TOX3: variants seen among roughly 807,000 people sequenced by gnomAD.
The protein encoded by TOX3 is CAG trinucleotide repeat-containing gene F9 protein.
TOX3 carries 22 observed loss-of-function variants against 64.3 expected under a neutral mutation model. That is an observed-to-expected ratio of 0.34 (90% CI 0.24 to 0.49). The LOEUF (loss-of-function observed/expected upper bound fraction) is 0.49, where lower values mean the gene tolerates loss of function less well. Ranked by LOEUF, TOX3 falls within the 20% of genes least tolerant of loss-of-function variation. The pLI is 0.99. For synonymous variants in TOX3, 291 were observed against 273.6 expected (o/e 1.06, Z -0.63); for missense variants, 661 against 714.4 (o/e 0.93, Z 0.85).
chr16:52,473,041 A>G (rs1351500012), intron 1 of TOX3, among the ~76,000 whole-genome samples: 1 of 152,198 alleles, frequency 6.6e-6, no homozygotes, highest in Non-Finnish European at 1.5e-5. Flanking sequence ...AAGGATGTCA[A>G]TTAAAAAGGA....
chr16:52,510,019 G>A (rs1024030015), intron 1 of TOX3, among the ~76,000 whole-genome samples: 1 of 152,024 alleles, frequency 6.6e-6, no homozygotes. Flanking sequence ...ATAATGAGGA[G>A]GGGGTTTCTA....
intron 1 of TOX3, among the ~76,000 whole-genome samples, chr16:52,533,601 G>T (rs892599004): frequency 6.6e-6 from 1 of 152,060 alleles, no homozygotes; most frequent in Non-Finnish European, 1.5e-5. Flanking sequence ...TTATTTTTAG[G>T]ATTTTCTTTT....
At chr16:52,468,476 A>C (rs771821133) in intron 2 of TOX3, 33 bp downstream of exon 2, 1 of 1,595,098 alleles carries the variant, frequency 6.3e-7, no homozygotes, top group South Asian at 1.1e-5. Flanking sequence ...TAACACAAAA[A>C]ACAGGAACAA....
intron 1 of TOX3, among the ~76,000 whole-genome samples, chr16:52,510,670 C>A (rs575821199): frequency 1.4e-5 from 2 of 145,564 alleles, no homozygotes; most frequent in Admixed American, 7.1e-5. Context: ...GCAGGAGAAC[C>A]GCTTGAACCT....
chr16:52,515,307 C>T (rs747556699), intron 1 of TOX3, among the ~76,000 whole-genome samples: 1 of 152,080 alleles, frequency 6.6e-6, no homozygotes, highest in Non-Finnish European at 1.5e-5. Flanking sequence ...GTTTCCTAAC[C>T]CTAGCTCATG....
At chr16:52,532,855 A>C (rs1261603749) in intron 1 of TOX3, among the ~76,000 whole-genome samples, 2 of 152,214 alleles carry the variant, frequency 1.3e-5, no homozygotes, top group African/African-American at 4.8e-5. Context: ...GGCAGGGGAC[A>C]CAGAGGATAA....
intron 1 of TOX3, among the ~76,000 whole-genome samples, chr16:52,536,680 T>C (rs1277998316): frequency 8.7e-6 from 1 of 115,062 alleles, no homozygotes; most frequent in East Asian, 2.7e-4. Context: ...TATATATACA[T>C]GTGTATATAT....
At chr16:52,485,244 G>A (rs866777245) in intron 1 of TOX3, among the ~76,000 whole-genome samples, 7 of 95,326 alleles carry the variant, frequency 7.3e-5, no homozygotes, top group African/African-American at 3.3e-4. Context: ...GTATGTGTGT[G>A]TGTATATATA....
At chr16:52,441,502 C>T (rs1959987571) in intron 6 of TOX3, among the ~76,000 whole-genome samples, 1 of 152,204 alleles carries the variant, frequency 6.6e-6, no homozygotes, top group Admixed American at 6.5e-5. Context: ...AAACACTTCA[C>T]TGCCTCTACA....
chr16:52,477,756 G>A (rs1243509018), intron 1 of TOX3, among the ~76,000 whole-genome samples: 1 of 152,156 alleles, frequency 6.6e-6, no homozygotes, highest in Non-Finnish European at 1.5e-5. Flanking sequence ...ATAAAACAGG[G>A]ATAAGAACAG....
intron 1 of TOX3, among the ~76,000 whole-genome samples, chr16:52,544,643 A>C (rs1403132517): frequency 6.6e-6 from 1 of 152,110 alleles, no homozygotes; most frequent in African/African-American, 2.4e-5. Flanking sequence ...TTGTATCCAC[A>C]CTCCTGAAGC....
intron 1 of TOX3, among the ~76,000 whole-genome samples, chr16:52,532,399 A>G (rs1962871011): frequency 6.6e-6 from 1 of 152,192 alleles, no homozygotes; most frequent in Non-Finnish European, 1.5e-5. Context: ...TACTGCCATC[A>G]TGAACAAGCC....
At chr16:52,463,147 TA>T (rs1219897578) in intron 3 of TOX3, among the ~76,000 whole-genome samples, 3 of 151,964 alleles carry the variant, frequency 2.0e-5, no homozygotes, top group Admixed American at 6.6e-5. Flanking sequence ...CAGGGTTTTT[TA>T]AAAAAAAGCT....
intron 1 of TOX3, among the ~76,000 whole-genome samples, chr16:52,489,451 G>A (rs770879151): frequency 8.5e-5 from 13 of 152,058 alleles, no homozygotes; most frequent in Admixed American, 2.6e-4. Flanking sequence ...CATGTCCCCC[G>A]TAGTATCTAG....
chr16:52,498,721 G>GT (rs1216127447), intron 1 of TOX3, among the ~76,000 whole-genome samples: 1 of 152,202 alleles, frequency 6.6e-6, no homozygotes, highest in Non-Finnish European at 1.5e-5. Context: ...GACATTCAGT[G>GT]TAACTCATGA....
intron 3 of TOX3, among the ~76,000 whole-genome samples, chr16:52,463,661 T>C (rs1960761745): frequency 6.6e-6 from 1 of 152,254 alleles, no homozygotes; most frequent in Admixed American, 6.5e-5. Flanking sequence ...CAAGGGAAGA[T>C]TGGCTACTTC....
At chr16:52,483,562 TG>T (rs1961422674) in intron 1 of TOX3, among the ~76,000 whole-genome samples, 2 of 130,968 alleles carry the variant, frequency 1.5e-5, no homozygotes. Context: ...CAGGGCAGTT[TG>T]GTTTTTTTTT....
At position 52,446,033 on chromosome 16, in the gene TOX3, T is replaced by C; in HGVS notation, c.867A>G (p.Val289=). ...CTCCAAGGCTGTCCCACATAGATGC[T>C]ACAATTTTTGAGACCTCTCCAAAGG... The part of the protein sequence containing the change: ...NATFGEVSKI[V]ASMWDSLGEE... The change falls in exon 5 of 7, where the codon GTA becomes GTG. Residue 289 remains valine, a synonymous_variant. Coordinates refer to ENST00000219746, the MANE Select transcript of TOX3 (RefSeq NM_001080430.4). The C allele has an allele frequency of 1.2e-6, 2 of 1,613,976 alleles. No homozygotes were observed. Among genetic ancestry groups the C allele is most frequent in the Admixed American group, 1.7e-5 (1 of 60,028 alleles).
intron 1 of TOX3, among the ~76,000 whole-genome samples, chr16:52,499,044 CATA>C (rs1424899825): frequency 2.6e-5 from 4 of 152,108 alleles, no homozygotes; most frequent in African/African-American, 9.7e-5. Flanking sequence ...ATTTCAACGG[CATA>C]ATAAGAGAGG....
Sources: gnomAD v4.1 joint callset for allele counts (sites outside exome capture counted in the v4.1 genomes callset) on GRCh38, gnomAD v4.1.1 for gene constraint, MANE v1.5 for transcripts, NCBI Gene and HGNC (gene_info 2026-07-23, HGNC 2026-07-21) for gene names.